Variants in LEKR1 observed in about 807,000 individuals in gnomAD.
LEKR1 encodes the protein protein LEKR1.
In LEKR1, 59 loss-of-function variants were observed where a neutral mutation model predicts 72.4. The observed-to-expected ratio is 0.82, with a 90% CI of 0.66 to 1.01. LEKR1 has a LOEUF of 1.01. Ranked by LOEUF, LEKR1 falls within the 50% of genes least tolerant of loss-of-function variation. The pLI is 0.00. For synonymous variants in LEKR1, 257 were observed against 263.2 expected, an observed-to-expected ratio of 0.98 and a Z score of 0.23; for missense variants, 728 against 759.2, an observed-to-expected ratio of 0.96 and a Z score of 0.48.
rs561557652 is a variant in LEKR1 at position 156,902,975 on chromosome 3, G to A, written c.264-17600G>A. ...TATTTTTAATGACAAATATTACATTGAGTAAATAATTTTCTTACTGAACCA... is the reference window on the plus strand; with the variant it reads ...TATTTTTAATGACAAATATTACATTAAGTAAATAATTTTCTTACTGAACCA... On this transcript the variant is annotated intron_variant, in intron 3 of 12. Coordinates refer to ENST00000356539, the MANE Select transcript of LEKR1 (RefSeq NM_001004316.3). Among the ~76,000 whole-genome samples the A allele has an allele frequency of 1.1e-3, 165 of 151,846 alleles. 1 individual carries two copies. The highest frequency in any genetic ancestry group is 3.7e-3 in the African/African-American group (155 of 41,432).
chr3:156,927,407 A>AT (rs200029200), intron 4 of LEKR1, 22 bp from the exon 5 acceptor site: 162,027 of 784,930 alleles, frequency 0.21, 5,040 homozygotes, highest in African/African-American at 0.32. Context: ...TTAAAATCCT[A>AT]TTTTTTTTTT....
At chr3:156,962,615 T>C (rs1166546395) in intron 6 of LEKR1, among the ~76,000 whole-genome samples, 1 of 152,212 alleles carries the variant, frequency 6.6e-6, no homozygotes, top group South Asian at 2.1e-4. Flanking sequence ...CTTTGTTTTC[T>C]TGCCTTTTCA....
At chr3:156,988,616 C>T in intron 7 of LEKR1, 1 of 226,782 alleles carries the variant, frequency 4.4e-6, no homozygotes, top group East Asian at 9.7e-5. Context: ...AAGATTCCTT[C>T]CTGGTAAAGG....
At chr3:156,972,589 G>C (rs982968941) in intron 6 of LEKR1, among the ~76,000 whole-genome samples, 1 of 151,322 alleles carries the variant, frequency 6.6e-6, no homozygotes, top group Non-Finnish European at 1.5e-5. Flanking sequence ...CATTCACCGA[G>C]GCCAAATGAG....
At chr3:156,844,916 T>TTA (rs1714401176) in intron 2 of LEKR1, among the ~76,000 whole-genome samples, 1 of 151,696 alleles carries the variant, frequency 6.6e-6, no homozygotes, top group East Asian at 1.9e-4. Context: ...GTTTTTTTTT[T>TTA]TTTTTTAAAG....
chr3:156,921,897 A>G (rs1724232955), intron 4 of LEKR1, among the ~76,000 whole-genome samples: 1 of 152,174 alleles, frequency 6.6e-6, no homozygotes, highest in African/African-American at 2.4e-5. Flanking sequence ...CAAATTTTTG[A>G]AGAAACATAG....
chr3:156,846,813 G>A (rs1024733717), intron 2 of LEKR1, among the ~76,000 whole-genome samples: 8 of 152,130 alleles, frequency 5.3e-5, no homozygotes, highest in Non-Finnish European at 1.2e-4. Flanking sequence ...ATGTATGTAT[G>A]TATGTATTTA....
At chr3:156,890,836 G>A (rs1720573888) in intron 3 of LEKR1, among the ~76,000 whole-genome samples, 2 of 150,590 alleles carry the variant, frequency 1.3e-5, no homozygotes, top group South Asian at 4.2e-4. Flanking sequence ...GATGTGGCCA[G>A]TTGTTTTTTT....
intron 3 of LEKR1, among the ~76,000 whole-genome samples, chr3:156,855,080 T>C (rs1190388945): frequency 6.6e-6 from 1 of 152,168 alleles, no homozygotes; most frequent in Non-Finnish European, 1.5e-5. Context: ...TTTTCAACAT[T>C]TATATTATTT....
chr3:157,023,645 AC>A (rs1483068566), intron 10 of LEKR1, among the ~76,000 whole-genome samples: 2 of 152,132 alleles, frequency 1.3e-5, no homozygotes, highest in Non-Finnish European at 2.9e-5. Flanking sequence ...ACTCGTTATA[AC>A]CCTACCAGGA....
chr3:157,022,002 T>G (rs1156766331), intron 10 of LEKR1, among the ~76,000 whole-genome samples: 1 of 152,118 alleles, frequency 6.6e-6, no homozygotes, highest in African/African-American at 2.4e-5. Flanking sequence ...TATGCCAGAG[T>G]GGCCAAAGCA....
At chr3:156,882,265 T>C (rs1464786259) in intron 3 of LEKR1, among the ~76,000 whole-genome samples, 33 of 151,838 alleles carry the variant, frequency 2.2e-4, no homozygotes, top group Admixed American at 2.2e-3. Flanking sequence ...GACGAAGGGC[T>C]AATATCCAGA....
At chr3:156,838,836 C>T (rs1489152648) in intron 2 of LEKR1, among the ~76,000 whole-genome samples, 3 of 152,120 alleles carry the variant, frequency 2.0e-5, no homozygotes, top group Non-Finnish European at 4.4e-5. Flanking sequence ...GACAGACCCC[C>T]AAACTTATAA....
chr3:156,834,026 A>G (rs1335850352), intron 2 of LEKR1, among the ~76,000 whole-genome samples: 2 of 151,994 alleles, frequency 1.3e-5, no homozygotes, highest in Non-Finnish European at 2.9e-5. Flanking sequence ...ATGTACTATT[A>G]ATGTTAGGCC....
At chr3:156,914,300 C>T (rs1723392033) in intron 3 of LEKR1, among the ~76,000 whole-genome samples, 1 of 151,202 alleles carries the variant, frequency 6.6e-6, no homozygotes, top group Non-Finnish European at 1.5e-5. Flanking sequence ...TCTCCTAATG[C>T]TATCCCTCCT....
intron 3 of LEKR1, among the ~76,000 whole-genome samples, chr3:156,867,296 A>G (rs936894972): frequency 6.6e-6 from 1 of 152,124 alleles, no homozygotes; most frequent in African/African-American, 2.4e-5. Context: ...AGGAGGTGCT[A>G]TCAGTAATTA....
At chr3:156,970,841 G>T (rs1037099092) in intron 6 of LEKR1, among the ~76,000 whole-genome samples, 1 of 151,978 alleles carries the variant, frequency 6.6e-6, no homozygotes, top group Non-Finnish European at 1.5e-5. Flanking sequence ...AATAAAAGAG[G>T]ATACAAACAA....
At chr3:156,988,139 A>G in intron 7 of LEKR1, 1 of 165,648 alleles carries the variant, frequency 6.0e-6, no homozygotes, top group Non-Finnish European at 1.3e-5. Flanking sequence ...GTGCAGGAAC[A>G]CCAAGAGGTC....
intron 6 of LEKR1, among the ~76,000 whole-genome samples, chr3:156,953,434 A>G (rs1191880418): frequency 6.6e-6 from 1 of 151,564 alleles, no homozygotes; most frequent in Non-Finnish European, 1.5e-5. Flanking sequence ...AGTTTGCTTC[A>G]CAGATCTCAT....
Sources: allele counts gnomAD v4.1 joint callset (sites outside exome capture counted in the v4.1 genomes callset), GRCh38; gene constraint gnomAD v4.1.1; transcripts MANE v1.5; gene names NCBI Gene and HGNC (gene_info 2026-07-23, HGNC 2026-07-21).